Variants in PTPRQ observed in about 807,000 individuals in gnomAD.
PTPRQ encodes protein tyrosine phosphatase receptor type Q, also known as phosphatidylinositol phosphatase PTPRQ.
A neutral mutation model predicts 246.0 loss-of-function variants in PTPRQ; 199 were observed. The observed-to-expected ratio is 0.81, with a 90% CI of 0.72 to 0.91. The LOEUF is 0.91. Ranked by LOEUF, PTPRQ falls within the 40% of genes least tolerant of loss-of-function variation. PTPRQ has a pLI of 0.00. For missense variants in PTPRQ, 2,624 were observed against 2,528.4 expected (o/e 1.04, Z -0.81); for synonymous variants, 869 against 853.2 (o/e 1.02, Z -0.32).
chr12:80,456,123 A>G (rs1330078150), intron 3 of PTPRQ, among the ~76,000 whole-genome samples: 1 of 152,166 alleles, frequency 6.6e-6, no homozygotes, highest in Non-Finnish European at 1.5e-5. Flanking sequence ...TTAAATAGAG[A>G]GAAGAAAATA....
At chr12:80,602,540 G>A (rs1031399637) in intron 26 of PTPRQ, among the ~76,000 whole-genome samples, 3 of 151,742 alleles carry the variant, frequency 2.0e-5, no homozygotes, top group African/African-American at 7.2e-5. Context: ...CTCTGGAGGG[G>A]AGGAACGCGT....
chr12:80,456,670 A>T (rs1437585229), intron 3 of PTPRQ, among the ~76,000 whole-genome samples: 2 of 152,076 alleles, frequency 1.3e-5, no homozygotes, highest in Non-Finnish European at 2.9e-5. Flanking sequence ...GTTTCATCTC[A>T]CACTTTATAA....
intron 28 of PTPRQ, among the ~76,000 whole-genome samples, chr12:80,612,768 C>T (rs1898601761): frequency 6.6e-6 from 1 of 150,426 alleles, no homozygotes; most frequent in Admixed American, 6.7e-5. Context: ...ATAATGAAAA[C>T]TGGAAACAAC....
chr12:80,655,767 T>C (rs888506164), intron 38 of PTPRQ, among the ~76,000 whole-genome samples: 1 of 152,204 alleles, frequency 6.6e-6, no homozygotes, highest in African/African-American at 2.4e-5. Flanking sequence ...TTCATTTTAA[T>C]AGAATTTGAA....
At chr12:80,529,230 ATAATC>A (rs774482350) in intron 17 of PTPRQ, among the ~76,000 whole-genome samples, 2 of 152,202 alleles carry the variant, frequency 1.3e-5, no homozygotes, top group Non-Finnish European at 2.9e-5. Context: ...GAGGAAAAAA[ATAATC>A]TAATAAAGAG....
chr12:80,543,840 G>A (rs1426218939), intron 23 of PTPRQ, among the ~76,000 whole-genome samples: 1 of 152,072 alleles, frequency 6.6e-6, no homozygotes, highest in Non-Finnish European at 1.5e-5. Context: ...TTTCCCAGAG[G>A]TGTGAAATAA....
chr12:80,597,773 C>T (rs969520447), intron 26 of PTPRQ, among the ~76,000 whole-genome samples: 1 of 151,946 alleles, frequency 6.6e-6, no homozygotes. Context: ...CCCACACTCA[C>T]GGTTTTTGAT....
intron 17 of PTPRQ, among the ~76,000 whole-genome samples, chr12:80,533,655 A>C (rs1895906901): frequency 6.6e-6 from 1 of 152,048 alleles, no homozygotes; most frequent in South Asian, 2.1e-4. Flanking sequence ...TTTTGCCAGC[A>C]TTTGAAATGA....
intron 25 of PTPRQ, among the ~76,000 whole-genome samples, chr12:80,558,293 G>A (rs879831561): frequency 4.6e-5 from 7 of 151,390 alleles, no homozygotes; most frequent in Non-Finnish European, 8.8e-5. Context: ...TCAGCCTCCC[G>A]AGTAGCTGGG....
intron 3 of PTPRQ, among the ~76,000 whole-genome samples, chr12:80,455,264 C>T (rs1470810536): frequency 2.6e-5 from 4 of 152,140 alleles, no homozygotes; most frequent in African/African-American, 9.7e-5. Context: ...ATCGTTTATA[C>T]TTTATGAAAT....
intron 3 of PTPRQ, among the ~76,000 whole-genome samples, chr12:80,447,400 AC>A (rs1303836810): frequency 6.6e-6 from 1 of 151,968 alleles, no homozygotes; most frequent in Non-Finnish European, 1.5e-5. Context: ...TTTTAGTTTA[AC>A]TAAGTCCCAT....
chr12:80,654,568 C>G (rs1322670704), intron 38 of PTPRQ, among the ~76,000 whole-genome samples: 1 of 151,934 alleles, frequency 6.6e-6, no homozygotes, highest in Non-Finnish European at 1.5e-5. Context: ...GAATTAATGG[C>G]CTGGCGCGGT....
intron 35 of PTPRQ, among the ~76,000 whole-genome samples, chr12:80,637,025 T>A (rs1429673890): frequency 6.6e-6 from 1 of 151,960 alleles, no homozygotes; most frequent in African/African-American, 2.4e-5. Context: ...TTTGGGAGGC[T>A]GTGGAGGGTG....
intron 27 of PTPRQ, among the ~76,000 whole-genome samples, 176 bp downstream of exon 27, chr12:80,605,356 A>G (rs1471480569): frequency 6.6e-6 from 1 of 151,394 alleles, no homozygotes; most frequent in Non-Finnish European, 1.5e-5. Flanking sequence ...ACAGGGTATG[A>G]GGACTGAATC....
chr12:80,640,145 C>G (rs1389555681), intron 35 of PTPRQ, among the ~76,000 whole-genome samples: 1 of 151,798 alleles, frequency 6.6e-6, no homozygotes, highest in African/African-American at 2.4e-5. Flanking sequence ...TCCTCAGCAG[C>G]ATTTTCTATG....
At chr12:80,498,220 C>T (rs1470973379) in intron 14 of PTPRQ, among the ~76,000 whole-genome samples, 1 of 151,870 alleles carries the variant, frequency 6.6e-6, no homozygotes, top group Non-Finnish European at 1.5e-5. Context: ...TTTTATTTTG[C>T]AGTGGATTAA....
intron 25 of PTPRQ, among the ~76,000 whole-genome samples, chr12:80,556,610 A>AGAAAATGG (rs954123170): frequency 5.9e-5 from 9 of 152,190 alleles, no homozygotes; most frequent in Non-Finnish European, 8.8e-5. Flanking sequence ...GTATGCTATG[A>AGAAAATGG]GAAAATGGCA....
At chr12:80,556,173 CT>C (rs1896640726) in intron 25 of PTPRQ, among the ~76,000 whole-genome samples, 2 of 151,890 alleles carry the variant, frequency 1.3e-5, no homozygotes, top group African/African-American at 4.8e-5. Context: ...GACTACAGGC[CT>C]GTGCCACCAC....
intron 17 of PTPRQ, among the ~76,000 whole-genome samples, chr12:80,520,545 G>A (rs1895445955): frequency 7.9e-6 from 1 of 126,310 alleles, no homozygotes; most frequent in Non-Finnish European, 1.6e-5. Flanking sequence ...GGTGTGTGAT[G>A]TTCCCCTTCC....
Sources: allele counts gnomAD v4.1 joint callset (sites outside exome capture counted in the v4.1 genomes callset), GRCh38; gene constraint gnomAD v4.1.1; transcripts MANE v1.5; gene names NCBI Gene and HGNC (gene_info 2026-07-23, HGNC 2026-07-21).